KANSL2: variants seen among roughly 807,000 people sequenced by gnomAD.
The protein encoded by KANSL2 is KAT8 regulatory NSL complex subunit 2.
A neutral mutation model predicts 55.6 loss-of-function variants in KANSL2; 34 were observed. That is an observed-to-expected ratio of 0.61 (90% CI 0.46 to 0.81). The LOEUF is 0.81. Ranked by LOEUF, KANSL2 falls within the 40% of genes least tolerant of loss-of-function variation. The pLI, the probability that KANSL2 is intolerant of heterozygous loss-of-function variation, is 0.00. For synonymous variants in KANSL2, 209 were observed against 214.3 expected, an observed-to-expected ratio of 0.98 and a Z score of 0.22; for missense variants, 502 against 609.9, an observed-to-expected ratio of 0.82 and a Z score of 1.86.
At chr12:48,667,177 TC>T (rs1565606601) in intron 7 of KANSL2, among the ~76,000 whole-genome samples, 1 of 151,840 alleles carries the variant, frequency 6.6e-6, no homozygotes, top group African/African-American at 2.4e-5. Context: ...AGAGCAAAAC[TC>T]CATCTCCAAA....
At chr12:48,657,234 G>T (rs567738585) in intron 8 of KANSL2, among the ~76,000 whole-genome samples, 1 of 152,012 alleles carries the variant, frequency 6.6e-6, no homozygotes, top group Non-Finnish European at 1.5e-5. Flanking sequence ...TTACCAGCCT[G>T]GCCAACATGG....
chr12:48,674,029 T>G (rs1011239976), intron 4 of KANSL2, among the ~76,000 whole-genome samples: 3 of 152,204 alleles, frequency 2.0e-5, no homozygotes, highest in Non-Finnish European at 2.9e-5. Flanking sequence ...GTCTGATCAT[T>G]ACATAAATAC....
At chr12:48,672,423 A>ATG (rs1555155453) in intron 4 of KANSL2, among the ~76,000 whole-genome samples, 1 of 112,704 alleles carries the variant, frequency 8.9e-6, no homozygotes, top group Admixed American at 8.5e-5. Flanking sequence ...ATATATATAT[A>ATG]TATATATATA....
At chr12:48,680,732 T>A (rs1415275266) in intron 2 of KANSL2, among the ~76,000 whole-genome samples, 1 of 151,996 alleles carries the variant, frequency 6.6e-6, no homozygotes, top group African/African-American at 2.4e-5. Context: ...ATCCCAACAC[T>A]CTGGGAGGCC....
At chr12:48,672,997 G>A (rs564875506) in intron 4 of KANSL2, among the ~76,000 whole-genome samples, 5 of 151,990 alleles carry the variant, frequency 3.3e-5, no homozygotes, top group East Asian at 3.9e-4. Context: ...ACCTCAGATC[G>A]ATCTTCCAGC....
intron 5 of KANSL2, among the ~76,000 whole-genome samples, chr12:48,670,161 C>A (rs1205038057): frequency 1.3e-5 from 2 of 148,494 alleles, no homozygotes; most frequent in Non-Finnish European, 1.5e-5. Flanking sequence ...AGATCACACA[C>A]TGCACTCCAG....
chr12:48,673,720 G>A (rs748577015), intron 4 of KANSL2, among the ~76,000 whole-genome samples: 29 of 152,242 alleles, frequency 1.9e-4, no homozygotes, highest in Non-Finnish European at 3.4e-4. Flanking sequence ...GGCCGAGGCA[G>A]GCAGATTGCT....
chr12:48,673,429 G>A (rs1939764066), intron 4 of KANSL2, among the ~76,000 whole-genome samples: 2 of 151,828 alleles, frequency 1.3e-5, no homozygotes, highest in African/African-American at 4.8e-5. Flanking sequence ...GTATGGTGGT[G>A]GGCGCCTATA....
chr12:48,671,486 T>G (rs7299359), intron 5 of KANSL2, among the ~76,000 whole-genome samples: 1,852 of 152,284 alleles, frequency 0.012, 33 homozygotes, highest in African/African-American at 0.043. Context: ...CCATTCATGC[T>G]AAGTGCCCAT....
chr12:48,681,454 T>C lies in KANSL2; in HGVS notation c.179A>G (p.Gln60Arg), dbSNP rs972663439. 1 of 1,613,960 alleles carries C rather than the reference T, an allele frequency of 6.2e-7. No individual in the cohort carries two copies. Among genetic ancestry groups the C allele is most frequent in the South Asian group, 1.1e-5 (1 of 91,086 alleles). ...ATTCTTCGTCGATATATAACTACACTGCTTGAAGGGTGCATTCTTGTCTTC... is the reference window on the plus strand; with the variant it reads ...ATTCTTCGTCGATATATAACTACACCGCTTGAAGGGTGCATTCTTGTCTTC... ...ILEDKNAPFK[Q>R]CSYISTKNGK... The change falls in exon 2 of 10, where the codon CAG (glutamine) becomes CGG (arginine). Residue 60 changes from glutamine (Q) to arginine (R), a missense_variant. Physicochemically the swap from Gln to Arg is conservative, Grantham distance 43. Transcript: ENST00000420613.
Position 48,654,174 on chromosome 12 carries a change from C to A in KANSL2, c.1349G>T (p.Gly450Val), listed in dbSNP as rs1217693894. ...CCCATCTCCAGCCATCTGCATCTGG[C>A]CCTGTTAAAAGAAATAAAGGCACTT... Reference protein sequence around the residue: ...EIAEDPVDILGQMQMAGDGCR... With the variant: ...EIAEDPVDILVQMQMAGDGCR... The change falls in exon 10 of 10, where the codon GGC becomes GTC. Residue 450 changes from glycine (G) to valine (V), a missense_variant and splice_region_variant. Gly to Val is a moderately radical substitution (Grantham distance 109). Coordinates refer to ENST00000420613, the MANE Select transcript of KANSL2 (RefSeq NM_017822.4). 1.3e-6 allele frequency: 2 copies of A among 1,596,788 alleles called. No individual in the cohort carries two copies. Among genetic ancestry groups the A allele is most frequent in the Admixed American group, 3.6e-5 (2 of 55,036 alleles).
chr12:48,661,084 AAAG>A (rs1939478342), intron 7 of KANSL2: 1 of 280,322 alleles, frequency 3.6e-6, no homozygotes, highest in Admixed American at 5.9e-5. Flanking sequence ...CCTCGTTTCC[AAAG>A]ATGATTACAT....
intron 7 of KANSL2, 113 bp from the exon 8 acceptor site, chr12:48,660,732 A>C: frequency 2.8e-6 from 3 of 1,074,024 alleles, no homozygotes; most frequent in Non-Finnish European, 3.9e-6. Context: ...ATAAATTACA[A>C]CTACATTTGA....
Position 48,660,559 on chromosome 12 carries a change from G to C in KANSL2, c.1034C>G (p.Pro345Arg). 6.2e-7 allele frequency: 1 copy of C among 1,613,218 alleles called. No homozygotes were observed. The highest frequency in any genetic ancestry group is 8.5e-7 in the Non-Finnish European group (1 of 1,179,582). The part of the protein sequence containing the change: ...FKCCQGSEEV[P>R]CNKPVPVSLS... The stretch of plus-strand genomic sequence containing the variant: ...GCTTACAGGAACAGGTTTGTTGCAG[G>C]GTACCTCTTCAGATCCCTGGCAGCA... Residue 345 changes from proline to arginine, a missense_variant, in exon 8 of 10, where the codon CCC (proline) becomes CGC (arginine). Pro to Arg is a moderately radical substitution (Grantham distance 103). Coordinates refer to ENST00000420613, the MANE Select transcript of KANSL2 (RefSeq NM_017822.4).
chr12:48,654,209 A>G (rs1939333856), intron 9 of KANSL2, 34 bp from the exon 10 acceptor site: 1 of 1,578,570 alleles, frequency 6.3e-7, no homozygotes, highest in Non-Finnish European at 8.6e-7. Context: ...TCAGTTAGTA[A>G]TTCATTCACT....
intron 9 of KANSL2, 21 bp downstream of exon 9, chr12:48,654,920 G>C: frequency 6.4e-7 from 1 of 1,554,538 alleles, no homozygotes. Flanking sequence ...AGGGAAACAG[G>C]TGGGACTGTT....
chr12:48,658,348 T>C (rs1471811812), intron 8 of KANSL2, among the ~76,000 whole-genome samples: 2 of 152,180 alleles, frequency 1.3e-5, no homozygotes, highest in Non-Finnish European at 2.9e-5. Context: ...ATACAAAGGG[T>C]TGTCTTTTAT....
At chr12:48,654,277 A>C in intron 9 of KANSL2, 102 bp from the exon 10 acceptor site, 1 of 1,165,672 alleles carries the variant, frequency 8.6e-7, no homozygotes, top group Non-Finnish European at 1.3e-6. Context: ...AATAAGAACA[A>C]TACAACAGAA....
Position 48,655,072 on chromosome 12 carries a change from A to T in KANSL2, c.1228-12T>A, listed in dbSNP as rs540480648. ...ACAACATCCAAGTCCTAGAAAAAAG[A>T]GAAAAGCCCATCAGCAATACCAAGG... On this transcript the variant is annotated splice_polypyrimidine_tract_variant and intron_variant, in intron 8 of 9. Coordinates refer to ENST00000420613, the MANE Select transcript of KANSL2 (RefSeq NM_017822.4). The T allele has an allele frequency of 5.6e-5, 87 of 1,561,866 alleles. No homozygotes were observed. The East Asian group carries it at 1.8e-3, about 32-fold the overall frequency.
Sources: allele counts gnomAD v4.1 joint callset (sites outside exome capture counted in the v4.1 genomes callset), GRCh38; gene constraint gnomAD v4.1.1; transcripts MANE v1.5; gene names NCBI Gene and HGNC (gene_info 2026-07-23, HGNC 2026-07-21).